The following SORD variants were observed in gnomAD, a reference collection of about 807,000 sequenced individuals.
SORD encodes sorbitol dehydrogenase.
In SORD, 18 loss-of-function variants were observed where a neutral mutation model predicts 35.6. That is an observed-to-expected ratio of 0.51 (90% CI 0.35 to 0.75). The LOEUF (loss-of-function observed/expected upper bound fraction) is 0.75, where lower values mean the gene tolerates loss of function less well. Among genes scored for constraint, SORD ranks in the 30% least tolerant of loss-of-function variants. The probability of loss-of-function intolerance (pLI) is 0.01; values close to 1 mark genes in which losing one functional copy is unlikely to be tolerated. For missense variants in SORD, 250 were observed against 390.2 expected (o/e 0.64, Z 3.03); for synonymous variants, 106 against 152.9 (o/e 0.69, Z 2.26).
chr15:45,037,287 T>C (rs554889642), intron 1 of SORD, among the ~76,000 whole-genome samples: 3 of 152,370 alleles, frequency 2.0e-5, no homozygotes, highest in Admixed American at 2.0e-4. Context: ...CTTTGCTGTG[T>C]GGTACGAGCA....
chr15:45,059,237 G>T (rs1893263295), intron 3 of SORD, among the ~76,000 whole-genome samples: 2 of 152,046 alleles, frequency 1.3e-5, no homozygotes, highest in African/African-American at 4.8e-5. Flanking sequence ...GGCTGAGGCA[G>T]GAGGACCACC....
chr15:45,042,377 A>G (rs1258973264), intron 2 of SORD: 1 of 152,188 alleles, frequency 6.6e-6, no homozygotes, highest in Non-Finnish European at 1.5e-5. Flanking sequence ...CTGTAATCCC[A>G]GCTACTTGGG....
At chr15:45,031,772 T>C (rs950685094) in intron 1 of SORD, among the ~76,000 whole-genome samples, 29 of 144,826 alleles carry the variant, frequency 2.0e-4, no homozygotes, top group Non-Finnish European at 2.8e-4. Context: ...TTCCCTTTCT[T>C]ATCAAGTTTT....
chr15:45,039,618 T>C (rs1299097855), intron 1 of SORD, among the ~76,000 whole-genome samples: 1 of 152,234 alleles, frequency 6.6e-6, no homozygotes, highest in African/African-American at 2.4e-5. Context: ...ATAGCTCAGA[T>C]TGCTTTTGAA....
chr15:45,067,718 A>AC (rs978603939), intron 5 of SORD, among the ~76,000 whole-genome samples: 1 of 151,508 alleles, frequency 6.6e-6, no homozygotes, highest in Non-Finnish European at 1.5e-5. Context: ...TCACTTAAGA[A>AC]CCCTCTCCAG....
At chr15:45,056,202 C>T (rs1295307213) in intron 3 of SORD, among the ~76,000 whole-genome samples, 11 of 152,064 alleles carry the variant, frequency 7.2e-5, no homozygotes, top group African/African-American at 2.7e-4. Flanking sequence ...GTCAAATTGT[C>T]CCTGTTTGCA....
chr15:45,056,727 T>C (rs1340598188), intron 3 of SORD, among the ~76,000 whole-genome samples: 1 of 152,248 alleles, frequency 6.6e-6, no homozygotes, highest in African/African-American at 2.4e-5. Context: ...ATGTTTGGCA[T>C]AGTACTTTTG....
rs540223815 is a variant in SORD at position 45,044,023 on chromosome 15, A to G, written c.265+602A>G. On this transcript the variant is annotated intron_variant, in intron 3 of 8. Coordinates refer to ENST00000267814, the MANE Select transcript of SORD (RefSeq NM_003104.6). ...TGCAGCCCGGAAATAAGGTCACGTT[A>G]TTTGGGGGAAGGTGGAGGTTGACAG... Among the ~76,000 whole-genome samples, 381 of 152,316 alleles carry G rather than the reference A, an allele frequency of 2.5e-3. 2 individuals are homozygous for G. The highest frequency in any genetic ancestry group is 0.017 in the Middle Eastern group (5 of 294).
chr15:45,066,367 A>G (rs1189433376), intron 5 of SORD, among the ~76,000 whole-genome samples: 4 of 151,532 alleles, frequency 2.6e-5, no homozygotes, highest in Non-Finnish European at 5.9e-5. Flanking sequence ...GCTGGAGTAC[A>G]GCAGCGCGAT....
chr15:45,029,123 G>T (rs115432263), intron 1 of SORD, among the ~76,000 whole-genome samples: 31,210 of 150,790 alleles, frequency 0.21, no homozygotes, highest in African/African-American at 0.44. Flanking sequence ...AAGAGAAATT[G>T]GGTAGCAGTA....
intron 5 of SORD, among the ~76,000 whole-genome samples, chr15:45,065,856 G>C (rs140311634): frequency 6.6e-6 from 1 of 152,000 alleles, no homozygotes; most frequent in Non-Finnish European, 1.5e-5. Flanking sequence ...GGAGGTCAAG[G>C]GTGCAGCGAG....
At chr15:45,060,301 C>G (rs184823067) in intron 3 of SORD, among the ~76,000 whole-genome samples, 145 of 152,208 alleles carry the variant, frequency 9.5e-4, no homozygotes, top group African/African-American at 3.4e-3. Flanking sequence ...TCCAGGTGTT[C>G]GCTATACAGT....
At chr15:45,023,492 C>A in intron 1 of SORD, 143 bp downstream of exon 1, 1 of 676,346 alleles carries the variant, frequency 1.5e-6, no homozygotes, top group South Asian at 3.2e-5. Flanking sequence ...AGCTGGTTCC[C>A]CTCGGGGTGT....
chr15:45,034,523 A>G (rs1892828559), intron 1 of SORD, among the ~76,000 whole-genome samples: 1 of 152,264 alleles, frequency 6.6e-6, no homozygotes, highest in Admixed American at 6.5e-5. Context: ...AAAGCAAGAT[A>G]ACATTTAGTA....
intron 1 of SORD, among the ~76,000 whole-genome samples, chr15:45,038,893 A>C (rs1948668240): frequency 6.6e-6 from 1 of 152,022 alleles, no homozygotes; most frequent in Non-Finnish European, 1.5e-5. Flanking sequence ...CATTCTCATC[A>C]CTTGTTTGGC....
intron 4 of SORD, among the ~76,000 whole-genome samples, chr15:45,063,613 A>G (rs1019674187): frequency 3.3e-5 from 5 of 152,136 alleles, no homozygotes; most frequent in African/African-American, 1.2e-4. Context: ...CTTAATCAGT[A>G]GAGTATTCTT....
In SORD at chr15:45,065,345, G is replaced by A. The variant is rs772206123; in HGVS notation, c.500G>A (p.Arg167Lys). ...TCTGTGGGGATCCATGCCTGCAGGA[G>A]AGGCGGAGTTACCCTGGGACACAAG... Reference protein sequence around the residue: ...PLSVGIHACRRGGVTLGHKVL... With the variant: ...PLSVGIHACRKGGVTLGHKVL... Residue 167 changes from arginine (R) to lysine (K), a missense_variant, in exon 5 of 9, where the codon AGA (arginine) becomes AAA (lysine). Transcript: ENST00000267814. The A allele has an allele frequency of 6.2e-7, 1 of 1,613,878 alleles. No individual in the cohort carries two copies. Among genetic ancestry groups the A allele is most frequent in the Non-Finnish European group, 8.5e-7 (1 of 1,179,832 alleles).
chr15:45,044,702 CTTT>C (rs58726175), intron 3 of SORD, among the ~76,000 whole-genome samples: 48 of 114,456 alleles, frequency 4.2e-4, no homozygotes, highest in Admixed American at 4.5e-4. Flanking sequence ...CTTTCTTTTT[CTTT>C]TTTTTTTTTT....
At chr15:45,054,643 A>C (rs1006370640) in intron 3 of SORD, among the ~76,000 whole-genome samples, 2 of 152,182 alleles carry the variant, frequency 1.3e-5, no homozygotes, top group East Asian at 3.9e-4. Flanking sequence ...GAAGCTCTTT[A>C]GTTTAATTAG....
Sources: allele counts gnomAD v4.1 joint callset (sites outside exome capture counted in the v4.1 genomes callset), GRCh38; gene constraint gnomAD v4.1.1; transcripts MANE v1.5; gene names NCBI Gene and HGNC (gene_info 2026-07-23, HGNC 2026-07-21).